THSD7B: variants seen among roughly 807,000 people sequenced by gnomAD.
THSD7B encodes thrombospondin type 1 domain containing 7B, also known as thrombospondin type-1 domain-containing protein 7B.
THSD7B carries 138 observed loss-of-function variants against 213.6 expected under a neutral mutation model. The ratio of observed to expected loss-of-function variants is 0.65; its 90% confidence interval spans 0.56 to 0.74. The LOEUF (loss-of-function observed/expected upper bound fraction) is 0.74, where lower values mean the gene tolerates loss of function less well. Ranked by LOEUF, THSD7B falls within the 30% of genes least tolerant of loss-of-function variation. THSD7B has a pLI of 0.00. For synonymous variants in THSD7B, 742 were observed against 687.0 expected (o/e 1.08, Z -1.25); for missense variants, 1,931 against 1,991.5 (o/e 0.97, Z 0.58).
intron 1 of THSD7B, among the ~76,000 whole-genome samples, chr2:136,769,844 A>C (rs1319041775): frequency 6.6e-6 from 1 of 152,344 alleles, no homozygotes; most frequent in Non-Finnish European, 1.5e-5. Flanking sequence ...GCATGAATAA[A>C]AAAGGCTATC....
At chr2:137,487,484 G>C (rs947462391) in intron 15 of THSD7B, among the ~76,000 whole-genome samples, 3 of 148,462 alleles carry the variant, frequency 2.0e-5, no homozygotes, top group Non-Finnish European at 4.5e-5. Flanking sequence ...GAAGGAAATA[G>C]AGACACAAAA....
chr2:137,074,189 A>T (rs1420090183), intron 3 of THSD7B, among the ~76,000 whole-genome samples: 1 of 151,814 alleles, frequency 6.6e-6, no homozygotes, highest in African/African-American at 2.4e-5. Context: ...GTGGGGTGTT[A>T]AAGTCTCCCA....
At chr2:136,801,384 A>T (rs530905715) in intron 1 of THSD7B, among the ~76,000 whole-genome samples, 1 of 152,176 alleles carries the variant, frequency 6.6e-6, no homozygotes, top group Admixed American at 6.6e-5. Context: ...TTCAACTTCC[A>T]TTCTGTAGAC....
chr2:137,468,639 G>A (rs1419845114), intron 15 of THSD7B, among the ~76,000 whole-genome samples: 1 of 98,642 alleles, frequency 1.0e-5, no homozygotes, highest in Non-Finnish European at 1.9e-5. Context: ...TGGGGGGTGG[G>A]GGTGGGGGCG....
intron 2 of THSD7B, among the ~76,000 whole-genome samples, chr2:137,006,115 C>T (rs867578752): frequency 2.0e-5 from 3 of 152,040 alleles, no homozygotes; most frequent in African/African-American, 4.8e-5. Flanking sequence ...CGTATAGGGC[C>T]GGGAGCGGTG....
intron 2 of THSD7B, among the ~76,000 whole-genome samples, chr2:136,938,300 A>T (rs909103709): frequency 6.6e-6 from 1 of 152,178 alleles, no homozygotes; most frequent in African/African-American, 2.4e-5. Context: ...TGAGAATGCT[A>T]AGGCAGTAGG....
chr2:136,915,402 G>A (rs1684333228), intron 2 of THSD7B, among the ~76,000 whole-genome samples: 1 of 152,110 alleles, frequency 6.6e-6, no homozygotes, highest in African/African-American at 2.4e-5. Context: ...TGTGATAGTG[G>A]CAGGCAATAT....
At chr2:137,652,376 T>C (rs748269587) in intron 21 of THSD7B, among the ~76,000 whole-genome samples, 3 of 152,122 alleles carry the variant, frequency 2.0e-5, no homozygotes, top group African/African-American at 7.2e-5. Context: ...CTGCTCCTTC[T>C]CTTTTTGGTT....
intron 1 of THSD7B, among the ~76,000 whole-genome samples, chr2:136,810,898 G>A (rs1682364803): frequency 1.3e-5 from 2 of 152,146 alleles, no homozygotes; most frequent in South Asian, 4.1e-4. Context: ...CCTTCATAGG[G>A]GTATCATGCT....
At chr2:136,868,120 GCA>G (rs10671218) in intron 1 of THSD7B, among the ~76,000 whole-genome samples, 6,274 of 148,930 alleles carry the variant, frequency 0.042, 162 homozygotes, top group African/African-American at 0.061. Flanking sequence ...ACACGCGCGC[GCA>G]CACACACACA....
At chr2:137,298,292 C>A (rs1013349149) in intron 12 of THSD7B, among the ~76,000 whole-genome samples, 24 of 152,124 alleles carry the variant, frequency 1.6e-4, no homozygotes, top group African/African-American at 4.8e-4. Flanking sequence ...ATTTAGGGTA[C>A]CTGGTGGAAG....
chr2:137,053,973 T>C (rs1687114651), intron 2 of THSD7B, among the ~76,000 whole-genome samples: 1 of 152,198 alleles, frequency 6.6e-6, no homozygotes, highest in African/African-American at 2.4e-5. Flanking sequence ...AATAAAAATT[T>C]ATATGAATGG....
chr2:137,610,606 A>G (rs1320374918), intron 17 of THSD7B, among the ~76,000 whole-genome samples: 1 of 152,172 alleles, frequency 6.6e-6, no homozygotes, highest in African/African-American at 2.4e-5. Context: ...AAACACATGA[A>G]GAGTTGACTC....
At chr2:137,378,272 G>A (rs2104960065) in intron 12 of THSD7B, among the ~76,000 whole-genome samples, 1 of 152,214 alleles carries the variant, frequency 6.6e-6, no homozygotes. Flanking sequence ...CTTCAATATA[G>A]GTTTTAATAT....
rs528903614 is a variant in THSD7B at position 137,023,993 on chromosome 2, G to A, written c.140-32427G>A. 7.3e-5 allele frequency among the ~76,000 whole-genome samples: 11 copies of A among 151,026 alleles called. No homozygotes were observed. In the South Asian group the frequency reaches 2.1e-3, roughly 29 times the overall value. ...TTCAATTTTGCTTCAATCCACTCCT[G>A]AGTTCCAAGAACTGGGTTGGAAGAT... On this transcript the variant is annotated intron_variant, in intron 2 of 27. Transcript: ENST00000409968.
intron 10 of THSD7B, among the ~76,000 whole-genome samples, chr2:137,263,392 A>G (rs1682497775): frequency 6.6e-6 from 1 of 152,160 alleles, no homozygotes; most frequent in Admixed American, 6.6e-5. Flanking sequence ...AGGACAAGTA[A>G]GAAAATTGAA....
In THSD7B at chr2:136,776,381, A is replaced by G. The variant is rs189957337; in HGVS notation, c.-36+10694A>G. Among the ~76,000 whole-genome samples, 440 of 152,302 alleles carry G rather than the reference A, an allele frequency of 2.9e-3. 4 individuals carry two copies. Among genetic ancestry groups the G allele is most frequent in the Middle Eastern group, 6.8e-3 (2 of 294 alleles). ...GGGGTTAAGATTCAACAAAAACAAA[A>G]AATGGCAATAACAATGCCCTCCCAT... On this transcript the variant is annotated intron_variant, in intron 1 of 27. Transcript: ENST00000409968.
intron 1 of THSD7B, among the ~76,000 whole-genome samples, chr2:136,825,357 C>T (rs1047830783): frequency 2.0e-5 from 3 of 152,134 alleles, no homozygotes; most frequent in Admixed American, 6.5e-5. Flanking sequence ...ATTGAGAGGA[C>T]ACCTGTGTTC....
rs909771257 is a variant in THSD7B, at chr2:136,850,102, G to A, written c.-35-32042G>A. Reference sequence around the variant, plus strand: ...TGACATTTTTAAACATACCTCTATGGTATGAAGCCATAAAGTATGGTTTCA... The same window carrying A: ...TGACATTTTTAAACATACCTCTATGATATGAAGCCATAAAGTATGGTTTCA... On this transcript the variant is annotated intron_variant, in intron 1 of 27. Transcript: ENST00000409968. Among the ~76,000 whole-genome samples, 6 of 151,592 alleles carry A rather than the reference G, an allele frequency of 4.0e-5. No individual in the cohort carries two copies. In the East Asian group the frequency reaches 5.8e-4, roughly 15 times the overall value.
Sources: allele counts gnomAD v4.1 joint callset (sites outside exome capture counted in the v4.1 genomes callset), GRCh38; gene constraint gnomAD v4.1.1; transcripts MANE v1.5; gene names NCBI Gene and HGNC (gene_info 2026-07-23, HGNC 2026-07-21).